Variants in ADAM11 observed in about 807,000 individuals in gnomAD.
ADAM11 encodes ADAM metallopeptidase domain 11.
A neutral mutation model predicts 119.1 loss-of-function variants in ADAM11; 49 were observed. That is an observed-to-expected ratio of 0.41 (90% CI 0.33 to 0.52). The LOEUF (loss-of-function observed/expected upper bound fraction) is 0.52, where lower values mean the gene tolerates loss of function less well. Among genes scored for constraint, ADAM11 ranks in the 20% least tolerant of loss-of-function variants. The probability of loss-of-function intolerance (pLI) is 0.20; values close to 1 mark genes in which losing one functional copy is unlikely to be tolerated. For synonymous variants in ADAM11, 364 were observed against 408.0 expected, an observed-to-expected ratio of 0.89 and a Z score of 1.30; for missense variants, 777 against 1,047.5, an observed-to-expected ratio of 0.74 and a Z score of 3.56.
At chr17:44,779,330 G>C (rs1423430360) in intron 26 of ADAM11, 91 bp downstream of exon 26, 2 of 1,494,688 alleles carry the variant, frequency 1.3e-6, no homozygotes, top group African/African-American at 2.9e-5. Context: ...GTCACCCCGC[G>C]TTCTGTTGAT....
rs745987276 is a variant in ADAM11 at position 44,777,007 on chromosome 17, A to G, written c.1681+45A>G. On this transcript the variant is annotated intron_variant, in intron 20 of 26. Transcript: ENST00000200557. This position sits in a 1 kb window ranked among gnomAD's most constrained non-coding sequence, Gnocchi z 5.1. ...GGAGTGGGGACTCCGGAGGACCCAG[A>G]GCTGAGAAGCTGGGGAGAGTGGGTT... 1 of 1,590,128 alleles carries G rather than the reference A, an allele frequency of 6.3e-7. No homozygotes were observed. Among genetic ancestry groups the G allele is most frequent in the South Asian group, 1.1e-5 (1 of 89,510 alleles).
In ADAM11 at chr17:44,768,509, G is replaced by A. The variant is rs144397509; in HGVS notation, c.238-1209G>A. On this transcript the variant is annotated intron_variant, in intron 2 of 26. Transcript: ENST00000200557. Reference sequence around the variant, plus strand: ...CCTAGCTTCACCACTTTTTAGCTGTGTGACCTTGGGCAAGTTAGTCAGCCC... The same window carrying A: ...CCTAGCTTCACCACTTTTTAGCTGTATGACCTTGGGCAAGTTAGTCAGCCC... Among the ~76,000 whole-genome samples the A allele has an allele frequency of 1.0e-3, 156 of 152,302 alleles. 1 individual carries two copies. The highest frequency in any genetic ancestry group is 2.5e-3 in the African/African-American group (104 of 41,562).
At chr17:44,778,376 G>T in intron 25 of ADAM11, 134 bp downstream of exon 25, 4 of 898,568 alleles carry the variant, frequency 4.5e-6, no homozygotes, top group Non-Finnish European at 6.6e-6. Context: ...CAAGTAGCCT[G>T]CAGGGCTTAA....
Position 44,769,711 on chromosome 17 carries a change from C to T in ADAM11, c.238-7C>T, listed in dbSNP as rs772780802. The T allele has an allele frequency of 6.3e-7, 1 of 1,595,768 alleles. No homozygotes were observed. The highest frequency in any genetic ancestry group is 8.6e-7 in the Non-Finnish European group (1 of 1,163,482). On this transcript the variant is annotated splice_region_variant and splice_polypyrimidine_tract_variant and intron_variant, in intron 2 of 26. Coordinates refer to ENST00000200557, the MANE Select transcript of ADAM11 (RefSeq NM_002390.6). ...GTTGACTCCCCCTCTGCCCTCCCCC[C>T]ACCCAGCCTGTCCATCTGGCCCAGG...
At chr17:44,771,477 T>C (rs1444176419) in intron 4 of ADAM11, 107 bp from the exon 5 acceptor site, 2 of 1,139,684 alleles carry the variant, frequency 1.8e-6, no homozygotes, top group Non-Finnish European at 1.3e-6. Flanking sequence ...CCAGGGATTG[T>C]GGCCACCTGC....
intron 2 of ADAM11, among the ~76,000 whole-genome samples, chr17:44,765,869 C>T (rs2049444223): frequency 6.6e-6 from 1 of 152,164 alleles, no homozygotes; most frequent in African/African-American, 2.4e-5. Flanking sequence ...GCAATCCGCC[C>T]ACCTTGGCCT....
Position 44,781,273 on chromosome 17 carries a change from CAG to C in ADAM11, c.*1520_*1521del, listed in dbSNP as rs998882709. The C allele has an allele frequency of 1.3e-5, 2 of 152,212 alleles. No homozygotes were observed. The highest frequency in any genetic ancestry group is 2.4e-5 in the African/African-American group (1 of 41,454). 9.4% of individuals were successfully genotyped at this position (152,212 alleles called of 1,614,324 possible). ...TATTCACAACACCCTCAGGGGCAAA[CAG>C]GCCTGGGACCCGCTGACACCATTTT... On this transcript the variant is annotated 3_prime_UTR_variant, in exon 27 of 27. Transcript: ENST00000200557.
chr17:44,777,376 G>T lies in ADAM11; in HGVS notation c.1782-106G>T. On this transcript the variant is annotated intron_variant, in intron 21 of 26. Coordinates refer to ENST00000200557, the MANE Select transcript of ADAM11 (RefSeq NM_002390.6). The surrounding 1 kb of genome is among the most constrained non-coding windows in gnomAD (Gnocchi z 5.1). Reference sequence around the variant, plus strand: ...GGAGCCTGTCAGTCCCAATGGGCGGGCACGTGGCAAATGAGGTGGCAGGGT... The same window carrying T: ...GGAGCCTGTCAGTCCCAATGGGCGGTCACGTGGCAAATGAGGTGGCAGGGT... 1 of 1,522,584 alleles carries T rather than the reference G, an allele frequency of 6.6e-7. No homozygotes were observed. Among genetic ancestry groups the T allele is most frequent in the Non-Finnish European group, 9.0e-7 (1 of 1,107,382 alleles). 94.3% of individuals were successfully genotyped at this position (1,522,584 alleles called of 1,614,324 possible).
At position 44,777,853 on chromosome 17, in the gene ADAM11, C is replaced by T; in HGVS notation, c.2060C>T (p.Ser687Phe). The T allele has an allele frequency of 6.2e-7, 1 of 1,613,558 alleles. No individual in the cohort carries two copies. The highest frequency in any genetic ancestry group is 1.3e-5 in the African/African-American group (1 of 75,042). The change falls in exon 23 of 27, where the codon TCC (serine) becomes TTC (phenylalanine). Residue 687 changes from serine (S) to phenylalanine (F), a missense_variant. This residue lies in a region of ADAM11 where 348 missense variants were observed against 486.7 expected (regional missense o/e 0.72). Coordinates refer to ENST00000200557, the MANE Select transcript of ADAM11 (RefSeq NM_002390.6). The surrounding 1 kb of genome is among the most constrained non-coding windows in gnomAD (Gnocchi z 5.1). ...CPGSGERRIC[S>F]HHGVCSNEGK... ...GGCAGTGGGGAGCGCCGGATTTGCTCCCACCACGGGGTGACTGCCTGGAGC... is the reference window on the plus strand; with the variant it reads ...GGCAGTGGGGAGCGCCGGATTTGCTTCCACCACGGGGTGACTGCCTGGAGC...
Position 44,772,881 on chromosome 17 carries a change from C to T in ADAM11, c.703C>T (p.His235Tyr), listed in dbSNP as rs751143606. 36 of 1,613,992 alleles carry T rather than the reference C, an allele frequency of 2.2e-5. No homozygotes were observed. The highest frequency in any genetic ancestry group is 3.1e-5 in the Non-Finnish European group (36 of 1,180,034). Residue 235 changes from histidine (H) to tyrosine (Y), a missense_variant, in exon 9 of 27, where the codon CAC becomes TAC. This residue lies in a region of ADAM11 where 147 missense variants were observed against 223.3 expected (regional missense o/e 0.66). Coordinates refer to ENST00000200557, the MANE Select transcript of ADAM11 (RefSeq NM_002390.6). This position sits in a 1 kb window ranked among gnomAD's most constrained non-coding sequence, Gnocchi z 4.5. ...RQVRRGHPTV[H>Y]SETKYVELIV... The stretch of plus-strand genomic sequence containing the variant: ...GGTCCGCCGGGGCCACCCTACAGTG[C>T]ACAGTGAAACCAAGTATGTGGAGCT...
chr17:44,773,030 A>T lies in ADAM11; in HGVS notation c.770A>T (p.Gln257Leu). ...NDHQLFEQMRQSVVLTSNFAK... is the reference protein window; with the variant it reads ...NDHQLFEQMRLSVVLTSNFAK... ...CTCTCCCAGTTCGAGCAGATGCGAC[A>T]GTCGGTGGTCCTCACCAGCAACTTT... The change falls in exon 10 of 27, where the codon CAG (glutamine) becomes CTG (leucine). Residue 257 changes from glutamine (Q) to leucine (L), a missense_variant. Physicochemically the swap from Gln to Leu is moderately radical, Grantham distance 113. Around this residue, in one of 4 missense-constraint regions of ADAM11, gnomAD observed 147 missense variants for 223.3 expected, o/e 0.66. Coordinates refer to ENST00000200557, the MANE Select transcript of ADAM11 (RefSeq NM_002390.6). This position sits in a 1 kb window ranked among gnomAD's most constrained non-coding sequence, Gnocchi z 4.6. 1.2e-6 allele frequency: 2 copies of T among 1,614,002 alleles called. No homozygotes were observed. The highest frequency in any genetic ancestry group is 1.3e-5 in the African/African-American group (1 of 74,980).
At chr17:44,760,684 G>A (rs1198442744) in intron 2 of ADAM11, among the ~76,000 whole-genome samples, 1 of 152,158 alleles carries the variant, frequency 6.6e-6, no homozygotes, top group Non-Finnish European at 1.5e-5. Context: ...ACAAACAGGA[G>A]GTATAGGGGG....
chr17:44,767,354 C>CAAAAAA (rs72428475), intron 2 of ADAM11, among the ~76,000 whole-genome samples: 1 of 56,888 alleles, frequency 1.8e-5, no homozygotes, highest in African/African-American at 7.1e-5. Flanking sequence ...GACTCCATCT[C>CAAAAAA]AAAAAAAAAA....
At position 44,775,481 on chromosome 17, in the gene ADAM11, G is replaced by C. The variant is rs766873788; in HGVS notation, c.1392+16G>C. The C allele has an allele frequency of 6.2e-7, 1 of 1,601,524 alleles. No individual in the cohort carries two copies. The highest frequency in any genetic ancestry group is 1.1e-5 in the South Asian group (1 of 90,428). On this transcript the variant is annotated intron_variant, in intron 16 of 26. Transcript: ENST00000200557. The surrounding 1 kb of genome is among the most constrained non-coding windows in gnomAD (Gnocchi z 7.5). Reference sequence around the variant, plus strand: ...CTCGGTGCAGGTGAGCGGTGGTGCGGGCGCCAGGTGGGGAACCGGGATGCG... The same window carrying C: ...CTCGGTGCAGGTGAGCGGTGGTGCGCGCGCCAGGTGGGGAACCGGGATGCG...
At position 44,769,703 on chromosome 17, in the gene ADAM11, C is replaced by T; in HGVS notation, c.238-15C>T. On this transcript the variant is annotated splice_polypyrimidine_tract_variant and intron_variant, in intron 2 of 26. Transcript: ENST00000200557. ...CTCCCTGGGTTGACTCCCCCTCTGC[C>T]CTCCCCCCACCCAGCCTGTCCATCT... is the stretch of plus-strand genomic sequence containing the variant. 2 of 1,069,320 alleles carry T rather than the reference C, an allele frequency of 1.9e-6. No individual in the cohort carries two copies. Among genetic ancestry groups the T allele is most frequent in the Non-Finnish European group, 2.9e-6 (2 of 682,318 alleles). The allele number at this position is 1,069,320 out of a possible 1,614,324, so 66.2% of individuals were successfully genotyped here.
At position 44,771,667 on chromosome 17, in the gene ADAM11, G is replaced by A; in HGVS notation, c.465G>A (p.Leu155=). ...CCGCCCTCTCCACCTGCCAGGGGCT[G>A]CAGTGAGTATGGGGAGGGGCCGGGC... is the stretch of plus-strand genomic sequence containing the variant. ...SFAALSTCQG[L]HGVFSDGNLT... is the part of the protein sequence containing the mutation. Residue 155 remains leucine (L), a splice_region_variant and synonymous_variant, in exon 5 of 27, where the codon CTG becomes CTA. Transcript: ENST00000200557. 1 of 1,611,910 alleles carries A rather than the reference G, an allele frequency of 6.2e-7. No homozygotes were observed. The highest frequency in any genetic ancestry group is 8.5e-7 in the Non-Finnish European group (1 of 1,179,390).
Position 44,772,164 on chromosome 17 carries a change from C to A in ADAM11, c.544-103C>A. ...ATGGGAGCTGTGGCCAGTTCTGGGT[C>A]ACCCCAGGGTGGGGTGGAGGCGAGG... On this transcript the variant is annotated intron_variant, in intron 6 of 26. Transcript: ENST00000200557. The surrounding 1 kb of genome is among the most constrained non-coding windows in gnomAD (Gnocchi z 4.5). The A allele has an allele frequency of 8.8e-7, 1 of 1,137,912 alleles. No individual in the cohort carries two copies. The highest frequency in any genetic ancestry group is 1.5e-5 in the South Asian group (1 of 68,866). The allele number at this position is 1,137,912 out of a possible 1,614,324, so 70.5% of individuals were successfully genotyped here.
intron 2 of ADAM11, among the ~76,000 whole-genome samples, chr17:44,760,842 A>C (rs1430373703): frequency 6.6e-6 from 1 of 151,996 alleles, no homozygotes; most frequent in Non-Finnish European, 1.5e-5. Context: ...GGCCCTGCCT[A>C]ATGTACTTGG....
Position 44,772,818 on chromosome 17 carries a change from A to C in ADAM11, c.679-39A>C. On this transcript the variant is annotated intron_variant, in intron 8 of 26. Transcript: ENST00000200557. The surrounding 1 kb of genome is among the most constrained non-coding windows in gnomAD (Gnocchi z 4.5). ...GGCTTGGCCATGAGATCAGTCAGAC[A>C]TGGAAGGGACTGATTCCAAGTGCCC... 6.3e-7 allele frequency: 1 copy of C among 1,588,480 alleles called. No individual in the cohort carries two copies. The highest frequency in any genetic ancestry group is 8.6e-7 in the Non-Finnish European group (1 of 1,158,608).
Sources: gnomAD v4.1 joint callset for allele counts (sites outside exome capture counted in the v4.1 genomes callset) on GRCh38, gnomAD v4.1.1 for gene constraint, gnomAD v4.1.1 regional missense constraint, Gnocchi (gnomAD v3.1) non-coding constraint, MANE v1.5 for transcripts, NCBI Gene and HGNC (gene_info 2026-07-23, HGNC 2026-07-21) for gene names.